The following GABRA1 variants were observed in gnomAD, a reference collection of about 807,000 sequenced individuals.
GABRA1 encodes the protein gamma-aminobutyric acid type A receptor subunit alpha1.
A neutral mutation model predicts 48.9 loss-of-function variants in GABRA1; 9 were observed. The observed-to-expected ratio is 0.18, with a 90% CI of 0.11 to 0.32. The LOEUF is 0.32. Ranked by LOEUF, GABRA1 falls within the 10% of genes least tolerant of loss-of-function variation. GABRA1 has a pLI of 1.00. For synonymous variants in GABRA1, 210 were observed against 198.7 expected (o/e 1.06, Z -0.48); for missense variants, 285 against 553.8 (o/e 0.51, Z 4.87).
intron 7 of GABRA1, among the ~76,000 whole-genome samples, 191 bp from the exon 8 acceptor site, chr5:161,890,707 A>G (rs1176709444): frequency 6.6e-6 from 1 of 152,130 alleles, no homozygotes; most frequent in Non-Finnish European, 1.5e-5. Flanking sequence ...TCTCATCCTC[A>G]GAGTCATTTT....
intron 7 of GABRA1, among the ~76,000 whole-genome samples, chr5:161,889,708 C>T (rs1354297946): frequency 6.6e-6 from 1 of 151,992 alleles, no homozygotes; most frequent in East Asian, 1.9e-4. Flanking sequence ...GAGCTTGAGT[C>T]ACTTTATATT....
intron 7 of GABRA1, among the ~76,000 whole-genome samples, chr5:161,886,270 G>A (rs1435720906): frequency 6.6e-6 from 1 of 151,914 alleles, no homozygotes; most frequent in Non-Finnish European, 1.5e-5. Context: ...GAACCCTGAA[G>A]TTATACTACA....
upstream of GABRA1, chr5:161,847,496 G>GCTGT (rs1468819822): frequency 1.3e-5 from 2 of 152,168 alleles, no homozygotes; most frequent in Non-Finnish European, 2.9e-5. Context: ...GGGTATTCTT[G>GCTGT]CTGTCCTCTA....
chr5:161,854,512 A>G (rs1272778804), intron 3 of GABRA1, among the ~76,000 whole-genome samples: 2 of 151,732 alleles, frequency 1.3e-5, no homozygotes, highest in Non-Finnish European at 3.0e-5. Context: ...TTTATATGAT[A>G]AGCACAGTAC....
chr5:161,889,292 T>C (rs1290292955), intron 7 of GABRA1, among the ~76,000 whole-genome samples: 3 of 152,060 alleles, frequency 2.0e-5, no homozygotes, highest in Admixed American at 6.6e-5. Flanking sequence ...TGTGGTTACA[T>C]AGTATCATCT....
chr5:161,858,800 A>G (rs908910361), intron 3 of GABRA1, among the ~76,000 whole-genome samples: 1 of 151,746 alleles, frequency 6.6e-6, no homozygotes. Context: ...TGTTAATGGT[A>G]GTTCCTGGAA....
intron 1 of GABRA1, chr5:161,848,650 C>T (rs1202077969): frequency 4.8e-6 from 1 of 206,692 alleles, no homozygotes; most frequent in Non-Finnish European, 9.8e-6. Flanking sequence ...AGGGTGAAAC[C>T]GCAGCAATAT....
intron 8 of GABRA1, 109 bp downstream of exon 8, chr5:161,891,159 G>A: frequency 1.9e-6 from 2 of 1,048,362 alleles, no homozygotes; most frequent in Non-Finnish European, 2.9e-6. Flanking sequence ...CAAATATTAA[G>A]TTCATATAAC....
intron 8 of GABRA1, 128 bp downstream of exon 8, chr5:161,891,178 T>G: frequency 1.1e-6 from 1 of 892,744 alleles, no homozygotes; most frequent in Non-Finnish European, 1.8e-6. Context: ...ACAGAAAGTT[T>G]CAAGGAATTG....
Position 161,861,138 on chromosome 5 carries a change from G to A in GABRA1, c.188-4583G>A, listed in dbSNP as rs141212879. ...TAAGATTGTTAATAGTATTATTCTC[G>A]TATAACAAAATGCTACCCTGTGAAT... On this transcript the variant is annotated intron_variant, in intron 3 of 9. Transcript: ENST00000393943. Among the ~76,000 whole-genome samples the A allele has an allele frequency of 4.6e-3, 702 of 151,718 alleles. 4 individuals are homozygous for A. Among genetic ancestry groups the A allele is most frequent in the Middle Eastern group, 0.014 (4 of 292 alleles).
intron 5 of GABRA1, 74 bp downstream of exon 5, chr5:161,873,411 C>A: frequency 8.5e-7 from 1 of 1,175,530 alleles, no homozygotes; most frequent in Non-Finnish European, 1.3e-6. Context: ...AATCATCAGG[C>A]TGATGAGCCA....
chr5:161,860,690 G>A (rs1757819707), intron 3 of GABRA1, among the ~76,000 whole-genome samples: 1 of 150,794 alleles, frequency 6.6e-6, no homozygotes, highest in Non-Finnish European at 1.5e-5. Flanking sequence ...TGGATATCCT[G>A]TTTTCTATGA....
At chr5:161,849,543 C>G (rs980583739) in intron 1 of GABRA1, among the ~76,000 whole-genome samples, 50 of 152,212 alleles carry the variant, frequency 3.3e-4, no homozygotes, top group African/African-American at 1.1e-3. Flanking sequence ...TCATTGCTTA[C>G]AAGCCTGTTT....
intron 2 of GABRA1, among the ~76,000 whole-genome samples, chr5:161,853,378 T>C (rs2113303726): frequency 6.6e-6 from 1 of 151,970 alleles, no homozygotes; most frequent in Non-Finnish European, 1.5e-5. Context: ...GACTAGAATT[T>C]GAAGAAAGCT....
chr5:161,848,720 G>A (rs764550680), intron 1 of GABRA1: 18 of 265,386 alleles, frequency 6.8e-5, no homozygotes, highest in Non-Finnish European at 1.3e-4. Context: ...CTCTTTCTTA[G>A]GCATATTTGA....
At chr5:161,848,879 T>A in intron 1 of GABRA1, 2 of 432,360 alleles carry the variant, frequency 4.6e-6, no homozygotes, top group African/African-American at 2.1e-5. Flanking sequence ...GTCTCACTGT[T>A]CCATCATCCT....
intron 7 of GABRA1, among the ~76,000 whole-genome samples, chr5:161,887,065 T>A (rs1581211354): frequency 6.6e-6 from 1 of 152,334 alleles, no homozygotes; most frequent in African/African-American, 2.4e-5. Flanking sequence ...ACATTAATAA[T>A]GTAATGCCAT....
chr5:161,873,037 A>G (rs947603803), intron 4 of GABRA1, 80 bp from the exon 5 acceptor site: 18 of 1,147,694 alleles, frequency 1.6e-5, no homozygotes, highest in Non-Finnish European at 2.4e-5. Context: ...AGTTGCAAAA[A>G]TTATGCACTG....
chr5:161,853,831 T>C (rs1040569898), intron 2 of GABRA1: 9 of 176,930 alleles, frequency 5.1e-5, no homozygotes, highest in African/African-American at 2.2e-4. Context: ...GTTTGTTTTC[T>C]CTATTTTTTT....
Sources: gnomAD v4.1 joint callset for allele counts (sites outside exome capture counted in the v4.1 genomes callset) on GRCh38, gnomAD v4.1.1 for gene constraint, MANE v1.5 for transcripts, NCBI Gene and HGNC (gene_info 2026-07-23, HGNC 2026-07-21) for gene names.